PALLD: variants seen among roughly 807,000 people sequenced by gnomAD.
PALLD encodes the protein palladin, cytoskeletal associated protein, also known as palladin.
In PALLD, 61 loss-of-function variants were observed where a neutral mutation model predicts 123.5. That is an observed-to-expected ratio of 0.49 (90% confidence interval 0.40 to 0.61). The LOEUF (loss-of-function observed/expected upper bound fraction) is 0.61, where lower values mean the gene tolerates loss of function less well. Among genes scored for constraint, PALLD ranks in the 20% least tolerant of loss-of-function variants. PALLD has a pLI of 0.00. For missense variants in PALLD, 1,273 were observed against 1,377.0 expected (o/e 0.92, Z 1.20); for synonymous variants, 465 against 496.4 (o/e 0.94, Z 0.84).
intron 2 of PALLD, among the ~76,000 whole-genome samples, chr4:168,656,692 C>T (rs1243277133): frequency 6.6e-6 from 1 of 152,060 alleles, no homozygotes; most frequent in African/African-American, 2.4e-5. Context: ...TATATGTTTA[C>T]CCTGCATATC....
At chr4:168,576,381 C>T (rs1376534872) in intron 2 of PALLD, among the ~76,000 whole-genome samples, 3 of 151,972 alleles carry the variant, frequency 2.0e-5, no homozygotes, top group African/African-American at 7.3e-5. Flanking sequence ...GCTATCCGTC[C>T]CCCCTCCCCC....
At chr4:168,678,041 C>G (rs1781043948) in intron 3 of PALLD, 1 of 152,330 alleles carries the variant, frequency 6.6e-6, no homozygotes, top group Non-Finnish European at 1.5e-5. Flanking sequence ...CCAGCAGAAG[C>G]CTGGAAGGTG....
At chr4:168,753,782 C>G (rs1205728161) in intron 10 of PALLD, among the ~76,000 whole-genome samples, 3 of 152,204 alleles carry the variant, frequency 2.0e-5, no homozygotes, top group Non-Finnish European at 2.9e-5. Context: ...GGCAATGGAT[C>G]CTTCAGCCAT....
intron 10 of PALLD, chr4:168,832,053 G>A (rs990923257): frequency 3.0e-6 from 3 of 985,290 alleles, no homozygotes; most frequent in Non-Finnish European, 2.4e-6. Context: ...TGAGTCACCC[G>A]GCGGGCGAGG....
At position 168,924,279 on chromosome 4, in the gene PALLD, T is replaced by A. The variant is rs1443067776; in HGVS notation, c.3083T>A (p.Val1028Glu). The change falls in exon 19 of 22, where the codon GTG becomes GAG. Residue 1028 changes from valine (V) to glutamate (E), a missense_variant. Around this residue, in one of 2 missense-constraint regions of PALLD, gnomAD observed 329 missense variants for 422.5 expected, o/e 0.78. Coordinates refer to ENST00000505667, the MANE Select transcript of PALLD (RefSeq NM_001166108.2). Reference sequence around the variant, plus strand: ...GCTAAAGAAGCACACAAACCCCCTGTGTTTATTGAGAAGCTCCAAAACACA... The same window carrying A: ...GCTAAAGAAGCACACAAACCCCCTGAGTTTATTGAGAAGCTCCAAAACACA... Reference protein sequence around the residue: ...VAAKEAHKPPVFIEKLQNTGV... With the variant: ...VAAKEAHKPPEFIEKLQNTGV... The A allele has an allele frequency of 1.9e-6, 3 of 1,613,990 alleles. No individual in the cohort carries two copies. The highest frequency in any genetic ancestry group is 2.5e-6 in the Non-Finnish European group (3 of 1,179,910).
At chr4:168,780,710 C>G (rs1735792263) in intron 10 of PALLD, among the ~76,000 whole-genome samples, 1 of 152,094 alleles carries the variant, frequency 6.6e-6, no homozygotes, top group Non-Finnish European at 1.5e-5. Flanking sequence ...TTTTTGGAGA[C>G]AGAGTCTCAC....
chr4:168,925,447 CT>C lies in PALLD; in HGVS notation c.*32+173del. ...GTTACTGTGTTCTGCAAATGACTGC[CT>C]TTTAACATTTCTTCCTATATTCTAT... On this transcript the variant is annotated intron_variant, in intron 21 of 21. Coordinates refer to ENST00000505667, the MANE Select transcript of PALLD (RefSeq NM_001166108.2). 3 of 652,424 alleles carry C rather than the reference CT, an allele frequency of 4.6e-6. 1 individual carries two copies. In the Middle Eastern group the frequency reaches 8.1e-4, roughly 176 times the overall value. 40.4% of individuals were successfully genotyped at this position (652,424 alleles called of 1,614,324 possible).
At position 168,673,355 on chromosome 4, in the gene PALLD, A is replaced by G. The variant is rs72984624; in HGVS notation, c.1087+4987A>G. ...TCCGATAGGAGCCTGAGAAGGAGCCAGTAGGGAAGGCTGGGGAAAGAGTGC... is the reference window on the plus strand; with the variant it reads ...TCCGATAGGAGCCTGAGAAGGAGCCGGTAGGGAAGGCTGGGGAAAGAGTGC... On this transcript the variant is annotated intron_variant, in intron 3 of 21. Transcript: ENST00000505667. 6.4e-3 allele frequency among the ~76,000 whole-genome samples: 978 copies of G among 152,350 alleles called. 4 individuals are homozygous for G. Among genetic ancestry groups the G allele is most frequent in the African/African-American group, 0.022 (908 of 41,580 alleles).
At chr4:168,811,256 G>A (rs570246526) in intron 10 of PALLD, among the ~76,000 whole-genome samples, 100 of 152,272 alleles carry the variant, frequency 6.6e-4, no homozygotes, top group African/African-American at 2.2e-3. Flanking sequence ...CTCTCAGAGC[G>A]TCTTGGTGTT....
Position 168,896,611 on chromosome 4 carries a change from C to G in PALLD, c.2250+12C>G. On this transcript the variant is annotated intron_variant, in intron 13 of 21. Transcript: ENST00000505667. ...TGGATGGTCAAAAGGTTAAGCTTTTCACCTTTCTTCTCCTTCCAGTCTTTC... is the reference window on the plus strand; with the variant it reads ...TGGATGGTCAAAAGGTTAAGCTTTTGACCTTTCTTCTCCTTCCAGTCTTTC... 1.4e-6 allele frequency: 2 copies of G among 1,439,512 alleles called. No homozygotes were observed. The highest frequency in any genetic ancestry group is 1.9e-6 in the Non-Finnish European group (2 of 1,059,020). The allele number at this position is 1,439,512 out of a possible 1,614,324, so 89.2% of individuals were successfully genotyped here. A position where few individuals can be genotyped will look rare whatever the true frequency, so the allele number is the denominator to read the frequency against.
In PALLD at chr4:168,691,401, GT is replaced by G. The variant is rs1387551664; in HGVS notation, c.1501+114del. ...ACCTTAAAGCCGTAAGCAGAACAATGTTTTTGTGGCTCCCTGGAAATGTGAA... is the reference window on the plus strand; with the variant it reads ...ACCTTAAAGCCGTAAGCAGAACAATGTTTTGTGGCTCCCTGGAAATGTGAA... On this transcript the variant is annotated intron_variant, in intron 8 of 21. Transcript: ENST00000505667. 1.2e-3 allele frequency: 1,093 copies of G among 886,742 alleles called. 9 individuals carry two copies. In the East Asian group the frequency reaches 0.016, roughly 13 times the overall value. 54.9% of individuals were successfully genotyped at this position (886,742 alleles called of 1,614,324 possible). A position where few individuals can be genotyped will look rare whatever the true frequency, so the allele number is the denominator to read the frequency against.
At chr4:168,693,262 G>T (rs1279016413) in intron 8 of PALLD, among the ~76,000 whole-genome samples, 2 of 151,684 alleles carry the variant, frequency 1.3e-5, no homozygotes. Context: ...CACTCCTTCT[G>T]TTTCACATCT....
chr4:168,714,358 C>T (rs780303551), intron 10 of PALLD, among the ~76,000 whole-genome samples: 2 of 152,112 alleles, frequency 1.3e-5, no homozygotes, highest in Non-Finnish European at 2.9e-5. Context: ...CATTTCCACC[C>T]CTCTCAAAGG....
intron 2 of PALLD, among the ~76,000 whole-genome samples, chr4:168,593,754 G>A (rs982192533): frequency 8.5e-5 from 13 of 152,178 alleles, no homozygotes; most frequent in African/African-American, 3.1e-4. Context: ...AACACTTAGT[G>A]TTACAAAGCA....
At chr4:168,752,568 A>G (rs1015087572) in intron 10 of PALLD, among the ~76,000 whole-genome samples, 6 of 152,204 alleles carry the variant, frequency 3.9e-5, no homozygotes, top group Admixed American at 1.3e-4. Flanking sequence ...TACCTTTTTA[A>G]AAGTCTGTTG....
At chr4:168,878,246 A>T in intron 10 of PALLD, 1 of 1,516,894 alleles carries the variant, frequency 6.6e-7, no homozygotes. Context: ...GCCGCTCCCG[A>T]GCCCGGGACA....
At position 168,511,700 on chromosome 4, in the gene PALLD, C is replaced by A. The variant is rs774647555; in HGVS notation, c.196C>A (p.Gln66Lys). The A allele has an allele frequency of 6.2e-7, 1 of 1,614,188 alleles. No homozygotes were observed. The highest frequency in any genetic ancestry group is 8.5e-7 in the Non-Finnish European group (1 of 1,180,020). ...EDFDSEKEIS[Q>K]IFSTSPASLC... ...TTTTGACTCGGAAAAGGAGATCTCG[C>A]AGATTTTCAGTACTTCTCCTGCAAG... Residue 66 changes from glutamine to lysine, a missense_variant, in exon 2 of 22, where the codon CAG becomes AAG. Transcript: ENST00000505667.
At chr4:168,889,167 G>GTGTGTGGT (rs1560861904) in intron 10 of PALLD, among the ~76,000 whole-genome samples, 417 of 41,442 alleles carry the variant, frequency 0.01, 3 homozygotes, top group African/African-American at 0.02. Context: ...TGTGTGTGTG[G>GTGTGTGGT]TTTTTTTTTT....
chr4:168,553,427 T>A (rs1419310030), intron 2 of PALLD, among the ~76,000 whole-genome samples: 1 of 152,312 alleles, frequency 6.6e-6, no homozygotes, highest in Non-Finnish European at 1.5e-5. Flanking sequence ...CAATTGAAAA[T>A]TTTTTAACGT....
Sources: gnomAD v4.1 joint callset for allele counts (sites outside exome capture counted in the v4.1 genomes callset) on GRCh38, gnomAD v4.1.1 for gene constraint, gnomAD v4.1.1 regional missense constraint, MANE v1.5 for transcripts, NCBI Gene and HGNC (gene_info 2026-07-23, HGNC 2026-07-21) for gene names.